GPC5: variants seen among roughly 807,000 people sequenced by gnomAD.
GPC5 encodes glypican-5.
GPC5 carries 47 observed loss-of-function variants against 53.9 expected under a neutral mutation model. The ratio of observed to expected loss-of-function variants is 0.87; its 90% CI spans 0.69 to 1.11. The LOEUF is 1.11. Among genes scored for constraint, GPC5 ranks in the 50% most tolerant of loss-of-function variants. The pLI is 0.00. For synonymous variants in GPC5, 286 were observed against 263.3 expected, an observed-to-expected ratio of 1.09 and a Z score of -0.84; for missense variants, 748 against 713.1, an observed-to-expected ratio of 1.05 and a Z score of -0.56.
At position 92,520,762 on chromosome 13, in the gene GPC5, T is replaced by C. The variant is rs952652085; in HGVS notation, c.1562-345520T>C. ...CTCTCACCAATCCTGTTCAACATAGTGTTGGAAGTTCTGGCCAGGCCAATC... is the reference window on the plus strand; with the variant it reads ...CTCTCACCAATCCTGTTCAACATAGCGTTGGAAGTTCTGGCCAGGCCAATC... On this transcript the variant is annotated intron_variant, in intron 7 of 7. Coordinates refer to ENST00000377067, the MANE Select transcript of GPC5 (RefSeq NM_004466.6). Among the ~76,000 whole-genome samples, 2 of 152,156 alleles carry C rather than the reference T, an allele frequency of 1.3e-5. 1 individual carries two copies. Among genetic ancestry groups the C allele is most frequent in the African/African-American group, 4.8e-5 (2 of 41,512 alleles).
intron 2 of GPC5, among the ~76,000 whole-genome samples, chr13:91,586,314 G>T (rs1159242421): frequency 1.4e-5 from 2 of 148,052 alleles, no homozygotes; most frequent in African/African-American, 5.0e-5. Context: ...ATATAAGATT[G>T]TTTCAAAGGG....
chr13:92,506,716 T>C lies in GPC5; in HGVS notation c.1562-359566T>C, dbSNP rs151270531. On this transcript the variant is annotated intron_variant, in intron 7 of 7. Transcript: ENST00000377067. ...ACGTAGGAAGCTCTTCTACTTTGTG[T>C]CAAGGCTCCGGGTGATTCATTTGGA... Among the ~76,000 whole-genome samples the C allele has an allele frequency of 9.8e-3, 1,493 of 152,302 alleles. 10 individuals carry two copies. Among genetic ancestry groups the C allele is most frequent in the Non-Finnish European group, 0.015 (1,034 of 68,014 alleles).
intron 7 of GPC5, among the ~76,000 whole-genome samples, chr13:92,391,841 T>G (rs1875016912): frequency 6.6e-6 from 1 of 152,110 alleles, no homozygotes; most frequent in Non-Finnish European, 1.5e-5. Flanking sequence ...GAAGGTCATG[T>G]CTGGAAAGAT....
chr13:92,006,139 A>C (rs539619914), intron 6 of GPC5, among the ~76,000 whole-genome samples: 4 of 152,146 alleles, frequency 2.6e-5, no homozygotes, highest in Middle Eastern at 3.4e-3. Flanking sequence ...TAAATGTATA[A>C]TGTTTGTGGC....
chr13:92,589,334 A>G (rs77271653), intron 7 of GPC5, among the ~76,000 whole-genome samples: 11 of 152,156 alleles, frequency 7.2e-5, no homozygotes, highest in Admixed American at 7.2e-4. Flanking sequence ...GCAGCAAGGA[A>G]GCATCATGCA....
intron 1 of GPC5, among the ~76,000 whole-genome samples, chr13:91,435,229 T>C (rs1879833754): frequency 6.6e-6 from 1 of 152,188 alleles, no homozygotes; most frequent in Admixed American, 6.6e-5. Flanking sequence ...ACTATGTTGA[T>C]AGGCGTGGTG....
chr13:91,407,385 G>A (rs925543720), intron 1 of GPC5, among the ~76,000 whole-genome samples: 3 of 152,192 alleles, frequency 2.0e-5, no homozygotes, highest in African/African-American at 7.2e-5. Flanking sequence ...CAGATGTCCT[G>A]TAAGGAAAAG....
chr13:91,619,550 C>T (rs1461353884), intron 2 of GPC5, among the ~76,000 whole-genome samples: 1 of 152,058 alleles, frequency 6.6e-6, no homozygotes, highest in African/African-American at 2.4e-5. Context: ...ACAGCTCTTA[C>T]TCAAGTATCA....
chr13:91,791,026 C>T (rs1434482992), intron 5 of GPC5, among the ~76,000 whole-genome samples: 1 of 152,146 alleles, frequency 6.6e-6, no homozygotes, highest in African/African-American at 2.4e-5. Context: ...AGACTTTTAA[C>T]AGAGACTGGA....
chr13:92,741,332 C>T (rs1889086527), intron 7 of GPC5, among the ~76,000 whole-genome samples: 1 of 151,830 alleles, frequency 6.6e-6, no homozygotes, highest in South Asian at 2.1e-4. Flanking sequence ...TGAGCAATCA[C>T]ATTAATGTAT....
At chr13:91,963,726 A>G (rs989025755) in intron 6 of GPC5, among the ~76,000 whole-genome samples, 1 of 152,168 alleles carries the variant, frequency 6.6e-6, no homozygotes, top group Non-Finnish European at 1.5e-5. Flanking sequence ...CAGTGGGGGT[A>G]TAAGAATAGG....
At chr13:91,694,081 C>T (rs1184098538) in intron 3 of GPC5, among the ~76,000 whole-genome samples, 200 bp downstream of exon 3, 1 of 152,118 alleles carries the variant, frequency 6.6e-6, no homozygotes, top group Non-Finnish European at 1.5e-5. Context: ...AGGGTGAGTA[C>T]TGTGACGTGG....
chr13:91,950,987 A>G lies in GPC5; in HGVS notation c.1401+42930A>G, dbSNP rs371857790. 7.9e-5 allele frequency among the ~76,000 whole-genome samples: 12 copies of G among 152,214 alleles called. No individual in the cohort carries two copies. In the South Asian group the frequency reaches 8.3e-4, roughly 11 times the overall value. ...TTCTACTGCTATTACTACTCCTCCA[A>G]TGGAAAAAACTGCTGACACACTGTT... is the stretch of plus-strand genomic sequence containing the variant. On this transcript the variant is annotated intron_variant, in intron 6 of 7. Coordinates refer to ENST00000377067, the MANE Select transcript of GPC5 (RefSeq NM_004466.6).
intron 7 of GPC5, among the ~76,000 whole-genome samples, chr13:92,612,305 G>C (rs1057182814): frequency 6.6e-6 from 1 of 152,020 alleles, no homozygotes; most frequent in Admixed American, 6.5e-5. Context: ...TTGTGTAAAT[G>C]TTCCATAAAT....
At chr13:92,503,073 TA>T (rs1358091876) in intron 7 of GPC5, among the ~76,000 whole-genome samples, 2 of 151,954 alleles carry the variant, frequency 1.3e-5, no homozygotes, top group African/African-American at 2.4e-5. Context: ...TTTCTTCTTT[TA>T]AAAAAATCTG....
chr13:92,230,345 A>C (rs1036608151), intron 7 of GPC5, among the ~76,000 whole-genome samples: 9 of 152,220 alleles, frequency 5.9e-5, no homozygotes, highest in African/African-American at 1.4e-4. Flanking sequence ...AAAGTTAAAG[A>C]TAAAGGTAGT....
At position 91,488,651 on chromosome 13, in the gene GPC5, T is replaced by G. The variant is rs573461400; in HGVS notation, c.325+39729T>G. Among the ~76,000 whole-genome samples the G allele has an allele frequency of 2.0e-5, 3 of 152,330 alleles. No individual in the cohort carries two copies. In the East Asian group the frequency reaches 5.8e-4, roughly 29 times the overall value. Reference sequence around the variant, plus strand: ...GCCTGTCTTTACTTTAATCTCTTAATCCTGTCATCTTCGTAAGCTGAGGAG... The same window carrying G: ...GCCTGTCTTTACTTTAATCTCTTAAGCCTGTCATCTTCGTAAGCTGAGGAG... On this transcript the variant is annotated intron_variant, in intron 2 of 7. Coordinates refer to ENST00000377067, the MANE Select transcript of GPC5 (RefSeq NM_004466.6).
chr13:91,878,663 T>A (rs2039230998), intron 5 of GPC5, among the ~76,000 whole-genome samples: 1 of 152,130 alleles, frequency 6.6e-6, no homozygotes, highest in African/African-American at 2.4e-5. Context: ...TGAGACCAGA[T>A]GGTTTTATAA....
rs2041154322 is a variant in GPC5 at position 92,064,764 on chromosome 13, A to AACAAAACAAAACAAAAC, written c.1402-80065_1402-80064insCAAAACAAAACAAAACA. Among the ~76,000 whole-genome samples, 28 of 138,468 alleles carry AACAAAACAAAACAAAAC rather than the reference A, an allele frequency of 2.0e-4. 1 individual carries two copies. The highest frequency in any genetic ancestry group is 6.7e-4 in the African/African-American group (26 of 38,824). 90.8% of individuals were successfully genotyped at this position (138,468 alleles called of 152,430 possible). A position where few individuals can be genotyped will look rare whatever the true frequency, so the allele number is the denominator to read the frequency against. Reference sequence around the variant, plus strand: ...AGAGCGAGACTCCGTCTCAAAAAAAAAAAACAAAACAAAACTCAGAGGCAA... The same window carrying AACAAAACAAAACAAAAC: ...AGAGCGAGACTCCGTCTCAAAAAAAAACAAAACAAAACAAAACAAAACAAAACAAAACTCAGAGGCAA... On this transcript the variant is annotated intron_variant, in intron 6 of 7. Transcript: ENST00000377067.
Sources: allele counts gnomAD v4.1 joint callset (sites outside exome capture counted in the v4.1 genomes callset), GRCh38; gene constraint gnomAD v4.1.1; transcripts MANE v1.5; gene names NCBI Gene and HGNC (gene_info 2026-07-23, HGNC 2026-07-21).